Variants in ALDH1A2 observed in about 807,000 individuals in gnomAD.
ALDH1A2 encodes the protein aldehyde dehydrogenase 1 family member A2.
In ALDH1A2, 27 loss-of-function variants were observed where a neutral mutation model predicts 60.3. That is an observed-to-expected ratio of 0.45 (90% CI 0.33 to 0.62). The LOEUF is 0.62. Among genes scored for constraint, ALDH1A2 ranks in the 20% least tolerant of loss-of-function variants. ALDH1A2 has a pLI of 0.02. For missense variants in ALDH1A2, 581 were observed against 643.8 expected, an observed-to-expected ratio of 0.90 and a Z score of 1.06; for synonymous variants, 289 against 232.4, an observed-to-expected ratio of 1.24 and a Z score of -2.21.
intron 1 of ALDH1A2, among the ~76,000 whole-genome samples, chr15:58,058,903 C>G (rs970630621): frequency 3.3e-5 from 5 of 152,158 alleles, no homozygotes; most frequent in African/African-American, 7.2e-5. Flanking sequence ...TTAATCCCCA[C>G]GTTTAGCCCC....
intron 1 of ALDH1A2, among the ~76,000 whole-genome samples, chr15:58,055,958 T>G (rs1345114548): frequency 1.3e-5 from 2 of 152,110 alleles, no homozygotes; most frequent in Non-Finnish European, 2.9e-5. Context: ...TCTCCAAATC[T>G]ATCAGCAGCA....
chr15:57,980,510 A>C, intron 7 of ALDH1A2: 1 of 273,310 alleles, frequency 3.7e-6, no homozygotes, highest in East Asian at 9.9e-5. Context: ...GTCAGGCTCA[A>C]TGGAGATGCA....
intron 4 of ALDH1A2, among the ~76,000 whole-genome samples, chr15:58,005,540 T>G (rs946862327): frequency 1.3e-5 from 2 of 151,982 alleles, no homozygotes; most frequent in Admixed American, 1.3e-4. Flanking sequence ...CCCTTCCAAT[T>G]ACATGATACC....
chr15:58,019,327 A>C lies in ALDH1A2; in HGVS notation c.118-5046T>G, dbSNP rs1220041227. On this transcript the variant is annotated intron_variant, in intron 1 of 12. Transcript: ENST00000249750. ...AGCCACTCAAGCTCTGTCTTGAAAC[A>C]TGGCCCAATGATGCCAAATCATTTT... 2.6e-5 allele frequency among the ~76,000 whole-genome samples: 4 copies of C among 152,356 alleles called. No homozygotes were observed. The East Asian group carries it at 7.7e-4, about 29-fold the overall frequency.
chr15:57,970,116 A>G (rs1894014628), intron 7 of ALDH1A2, among the ~76,000 whole-genome samples: 1 of 152,226 alleles, frequency 6.6e-6, no homozygotes, highest in African/African-American at 2.4e-5. Context: ...TCTGTTCACA[A>G]TTCTTGTGTT....
intron 4 of ALDH1A2, among the ~76,000 whole-genome samples, chr15:58,009,349 A>C (rs1376905894): frequency 6.6e-6 from 1 of 151,972 alleles, no homozygotes; most frequent in Non-Finnish European, 1.5e-5. Context: ...AAAGACCCTC[A>C]GTGATTCATG....
chr15:57,956,709 G>A (rs1893538464), intron 12 of ALDH1A2, among the ~76,000 whole-genome samples: 1 of 152,136 alleles, frequency 6.6e-6, no homozygotes, highest in East Asian at 1.9e-4. Context: ...GGCTCTCTCT[G>A]GTCATTTTCC....
intron 7 of ALDH1A2, among the ~76,000 whole-genome samples, chr15:57,983,539 C>T (rs4646608): frequency 0.06 from 9,097 of 152,182 alleles, 304 homozygotes; most frequent in East Asian, 0.12. Context: ...ATACTTTTAT[C>T]TTTGAATAAA....
intron 4 of ALDH1A2, among the ~76,000 whole-genome samples, chr15:57,998,305 T>C (rs1486868002): frequency 5.3e-5 from 8 of 152,042 alleles, no homozygotes; most frequent in Admixed American, 2.0e-4. Context: ...GAAAACCCCA[T>C]TGTCTCAGCA....
intron 1 of ALDH1A2, among the ~76,000 whole-genome samples, chr15:58,019,816 T>A (rs1273472537): frequency 6.6e-6 from 1 of 152,198 alleles, no homozygotes; most frequent in African/African-American, 2.4e-5. Flanking sequence ...TTCTTTTTTA[T>A]TATTATTTTT....
rs1399528492 is a variant in ALDH1A2 at position 57,987,318 on chromosome 15, T to C, written c.798+5387A>G. ...GATGAAAACTATAAACTCACAGATA[T>C]ACAGAAATTTTAACGAACCAACAAA... On this transcript the variant is annotated intron_variant, in intron 7 of 12. Transcript: ENST00000249750. Among the ~76,000 whole-genome samples, 6 of 151,824 alleles carry C rather than the reference T, an allele frequency of 4.0e-5. No individual in the cohort carries two copies. In the South Asian group the frequency reaches 1.2e-3, roughly 32 times the overall value.
At position 57,954,354 on chromosome 15, in the gene ALDH1A2, GT is replaced by G. The variant is rs1222654078; in HGVS notation, c.*842del. 1 of 152,632 alleles carries G rather than the reference GT, an allele frequency of 6.6e-6. No individual in the cohort carries two copies. Among genetic ancestry groups the G allele is most frequent in the Non-Finnish European group, 1.5e-5 (1 of 68,000 alleles). The allele number at this position is 152,632 out of a possible 1,614,324, so 9.5% of individuals were successfully genotyped here. On this transcript the variant is annotated 3_prime_UTR_variant, in exon 13 of 13. Coordinates refer to ENST00000249750, the MANE Select transcript of ALDH1A2 (RefSeq NM_003888.4). The stretch of plus-strand genomic sequence containing the variant: ...TTGGGCCTACTCGGATTGTTTTTTG[GT>G]TGGTTCTAAGAAAAACTTTGGAAAA...
intron 12 of ALDH1A2, 40 bp downstream of exon 12, chr15:57,960,730 A>AATCT: frequency 6.5e-7 from 1 of 1,537,340 alleles, no homozygotes; most frequent in Non-Finnish European, 9.0e-7. Context: ...TGATATTTGC[A>AATCT]ATCTATTTCT....
chr15:58,054,140 T>C (rs943390023), intron 1 of ALDH1A2, among the ~76,000 whole-genome samples: 2 of 151,958 alleles, frequency 1.3e-5, no homozygotes, highest in African/African-American at 4.8e-5. Flanking sequence ...AACCATTTCA[T>C]GCAAACAGGT....
intron 1 of ALDH1A2, among the ~76,000 whole-genome samples, chr15:58,026,273 C>A (rs1896077344): frequency 6.6e-6 from 1 of 152,184 alleles, no homozygotes; most frequent in African/African-American, 2.4e-5. Context: ...GATGGTTCAA[C>A]ATACACAAAT....
At chr15:57,962,418 G>C (rs1893753459) in intron 9 of ALDH1A2, among the ~76,000 whole-genome samples, 1 of 152,106 alleles carries the variant, frequency 6.6e-6, no homozygotes, top group Non-Finnish European at 1.5e-5. Flanking sequence ...TGCCTAATCA[G>C]AAGTACCAGC....
At chr15:57,988,659 G>A (rs926461010) in intron 7 of ALDH1A2, among the ~76,000 whole-genome samples, 7 of 152,196 alleles carry the variant, frequency 4.6e-5, no homozygotes, top group African/African-American at 1.7e-4. Context: ...TGGTTACACA[G>A]GTGTATATAC....
At chr15:57,970,439 T>C (rs1566932421) in intron 7 of ALDH1A2, among the ~76,000 whole-genome samples, 1 of 152,190 alleles carries the variant, frequency 6.6e-6, no homozygotes, top group Non-Finnish European at 1.5e-5. Context: ...GGCCTCAAGA[T>C]TGATATCAGG....
At chr15:58,050,311 A>T (rs758889439) in intron 1 of ALDH1A2, among the ~76,000 whole-genome samples, 2 of 152,098 alleles carry the variant, frequency 1.3e-5, no homozygotes, top group African/African-American at 2.4e-5. Context: ...GATGTTTATT[A>T]ACTGGTCACA....
Sources: allele counts gnomAD v4.1 joint callset (sites outside exome capture counted in the v4.1 genomes callset), GRCh38; gene constraint gnomAD v4.1.1; transcripts MANE v1.5; gene names NCBI Gene and HGNC (gene_info 2026-07-23, HGNC 2026-07-21).